HKDC1: variants seen among roughly 807,000 people sequenced by gnomAD.
HKDC1 encodes the protein hexokinase domain containing 1, also known as hexokinase HKDC1.
A neutral mutation model predicts 96.6 loss-of-function variants in HKDC1; 66 were observed. The observed-to-expected ratio is 0.68, with a 90% CI of 0.56 to 0.84. The LOEUF is 0.84. Among genes scored for constraint, HKDC1 ranks in the 40% least tolerant of loss-of-function variants. The pLI is 0.00. For missense variants in HKDC1, 1,211 were observed against 1,208.1 expected (o/e 1.00, Z -0.04); for synonymous variants, 466 against 473.1 (o/e 0.98, Z 0.20).
At position 69,248,746 on chromosome 10, in the gene HKDC1, C is replaced by T. The variant is rs1589412215; in HGVS notation, c.1570+18C>T. 1 of 1,577,374 alleles carries T rather than the reference C, an allele frequency of 6.3e-7. No homozygotes were observed. The highest frequency in any genetic ancestry group is 8.6e-7 in the Non-Finnish European group (1 of 1,158,494). ...CGGCACAGGTGGGCCAGCACAGCCTCCCTCTCTGAACAGCCATCCAGGGCT... is the reference window on the plus strand; with the variant it reads ...CGGCACAGGTGGGCCAGCACAGCCTTCCTCTCTGAACAGCCATCCAGGGCT... On this transcript the variant is annotated intron_variant, in intron 10 of 17. Transcript: ENST00000354624.
chr10:69,220,560 C>A, intron 1 of HKDC1, 62 bp downstream of exon 1: 4 of 1,244,054 alleles, frequency 3.2e-6, no homozygotes, highest in East Asian at 2.5e-5. Flanking sequence ...AAACTGATTC[C>A]CTTAAAAAAA....
intron 1 of HKDC1, among the ~76,000 whole-genome samples, chr10:69,220,948 G>A (rs893729328): frequency 6.6e-6 from 1 of 152,104 alleles, no homozygotes; most frequent in Non-Finnish European, 1.5e-5. Flanking sequence ...TCAGGAGTTC[G>A]AGACCAGCCT....
intron 4 of HKDC1, among the ~76,000 whole-genome samples, chr10:69,233,853 G>A (rs1285236934): frequency 8.3e-5 from 10 of 120,936 alleles, no homozygotes; most frequent in Non-Finnish European, 1.6e-4. Flanking sequence ...AGCCGAGATT[G>A]TGCCACTGCA....
chr10:69,259,975 C>A (rs923248811), intron 15 of HKDC1, among the ~76,000 whole-genome samples: 1 of 152,176 alleles, frequency 6.6e-6, no homozygotes, highest in Non-Finnish European at 1.5e-5. Flanking sequence ...TTAACCCAGG[C>A]CCATCCACTA....
chr10:69,225,328 C>T (rs1843137979), intron 1 of HKDC1, among the ~76,000 whole-genome samples: 1 of 152,188 alleles, frequency 6.6e-6, no homozygotes, highest in South Asian at 2.1e-4. Context: ...CCCACCCTTC[C>T]CCAACCCCAA....
In HKDC1 at chr10:69,248,411, A is replaced by G; in HGVS notation, c.1266-13A>G. On this transcript the variant is annotated splice_polypyrimidine_tract_variant and intron_variant, in intron 9 of 17. Transcript: ENST00000354624. ...TATGATTGCTAAATATTTTGCCATC[A>G]CCCCTGCTTCAGGTACCCAAAACGC... 6.5e-7 allele frequency: 1 copy of G among 1,535,368 alleles called. No individual in the cohort carries two copies. Among genetic ancestry groups the G allele is most frequent in the Middle Eastern group, 1.8e-4 (1 of 5,664 alleles).
chr10:69,231,413 C>T (rs887928367), intron 2 of HKDC1, among the ~76,000 whole-genome samples: 3 of 152,152 alleles, frequency 2.0e-5, no homozygotes, highest in African/African-American at 7.2e-5. Flanking sequence ...CAGCTGCCCT[C>T]CTTTGGCAAA....
Position 69,266,883 on chromosome 10 carries a change from C to G in HKDC1, c.*126C>G, listed in dbSNP as rs1843909916. 1 of 884,118 alleles carries G rather than the reference C, an allele frequency of 1.1e-6. No homozygotes were observed. The highest frequency in any genetic ancestry group is 2.5e-5 in the Admixed American group (1 of 39,316). 54.8% of individuals were successfully genotyped at this position (884,118 alleles called of 1,614,324 possible). ...CACCTTCTGGATGGCCGAAAGAGAA[C>G]CCCAGGTTCTCGGGTACTCTTAGTA... On this transcript the variant is annotated 3_prime_UTR_variant, in exon 18 of 18. Transcript: ENST00000354624.
chr10:69,261,485 ACTGGGCTCAT>A, intron 16 of HKDC1, 191 bp downstream of exon 16: 3 of 554,500 alleles, frequency 5.4e-6, no homozygotes, highest in Non-Finnish European at 9.6e-6. Flanking sequence ...TCATGGCCAA[ACTGGGCTCAT>A]CTATAAAGTC....
intron 6 of HKDC1, among the ~76,000 whole-genome samples, chr10:69,242,426 G>GAAA (rs1294586012): frequency 1.3e-3 from 39 of 31,182 alleles, no homozygotes; most frequent in Admixed American, 1.5e-3. Flanking sequence ...GGAAGATACT[G>GAAA]AAGAAAAAAA....
intron 4 of HKDC1, among the ~76,000 whole-genome samples, chr10:69,236,746 C>T (rs1299720823): frequency 6.6e-6 from 1 of 150,514 alleles, no homozygotes; most frequent in Non-Finnish European, 1.5e-5. Context: ...CGCCACTGCA[C>T]TCCAGCCTGG....
Position 69,242,429 on chromosome 10 carries a change from GAAAAA to G in HKDC1, c.692-736_692-732del, listed in dbSNP as rs5785904. Among the ~76,000 whole-genome samples, 11 of 115,344 alleles carry G rather than the reference GAAAAA, an allele frequency of 9.5e-5. 1 individual carries two copies. Among genetic ancestry groups the G allele is most frequent in the African/African-American group, 3.2e-4 (10 of 31,104 alleles). The allele number at this position is 115,344 out of a possible 152,430, so 75.7% of individuals were successfully genotyped here. On this transcript the variant is annotated intron_variant, in intron 6 of 17. Transcript: ENST00000354624. The stretch of plus-strand genomic sequence containing the variant: ...GTATCAGCCAAGGGAAGATACTGAA[GAAAAA>G]AAAAAAAAAAAAAAAACCCGAAAAT...
chr10:69,249,325 T>G (rs1843598297), intron 10 of HKDC1, among the ~76,000 whole-genome samples: 1 of 152,250 alleles, frequency 6.6e-6, no homozygotes, highest in Admixed American at 6.5e-5. Context: ...TTTGAACCTT[T>G]CATTTCATTT....
chr10:69,263,091 G>T (rs1012611526), intron 16 of HKDC1, among the ~76,000 whole-genome samples: 3 of 152,002 alleles, frequency 2.0e-5, no homozygotes, highest in Non-Finnish European at 4.4e-5. Context: ...CTGAGACAGG[G>T]TCTCACTCTG....
At chr10:69,248,288 T>A in intron 9 of HKDC1, 136 bp from the exon 10 acceptor site, 24 of 813,876 alleles carry the variant, frequency 2.9e-5, no homozygotes, top group Non-Finnish European at 4.4e-5. Flanking sequence ...TCCCCTCCCC[T>A]CCCTACCATC....
rs544028718 is a variant in HKDC1, at chr10:69,227,115, A to G, written c.64-92A>G. Reference sequence around the variant, plus strand: ...CTCAATGCTGTCCCCAGAGTCAGGAATGCAGCTTGCTGAGGGATGTCGGGG... The same window carrying G: ...CTCAATGCTGTCCCCAGAGTCAGGAGTGCAGCTTGCTGAGGGATGTCGGGG... On this transcript the variant is annotated intron_variant, in intron 1 of 17. Coordinates refer to ENST00000354624, the MANE Select transcript of HKDC1 (RefSeq NM_025130.4). The G allele has an allele frequency of 1.6e-5, 22 of 1,401,120 alleles. No homozygotes were observed. The East Asian group carries it at 4.8e-4, about 31-fold the overall frequency. 86.8% of individuals were successfully genotyped at this position (1,401,120 alleles called of 1,614,324 possible).
chr10:69,249,526 C>T (rs566445944), intron 10 of HKDC1, among the ~76,000 whole-genome samples: 2 of 152,220 alleles, frequency 1.3e-5, no homozygotes, highest in Admixed American at 6.5e-5. Flanking sequence ...GACGGAGTCT[C>T]GCTCTGTCAC....
At position 69,243,373 on chromosome 10, in the gene HKDC1, C is replaced by A. The variant is rs1407905499; in HGVS notation, c.875+8C>A. 6.4e-7 allele frequency: 1 copy of A among 1,567,624 alleles called. No homozygotes were observed. The highest frequency in any genetic ancestry group is 8.6e-7 in the Non-Finnish European group (1 of 1,156,528). On this transcript the variant is annotated splice_region_variant and intron_variant, in intron 7 of 17. Transcript: ENST00000354624. Reference sequence around the variant, plus strand: ...CAACCCAGGAAAGCAACTGTGAGTTCCCTTCTGGTGTTATCTGGGCATCGG... The same window carrying A: ...CAACCCAGGAAAGCAACTGTGAGTTACCTTCTGGTGTTATCTGGGCATCGG...
At chr10:69,247,336 C>G in intron 8 of HKDC1, 24 bp from the exon 9 acceptor site, 1 of 1,519,190 alleles carries the variant, frequency 6.6e-7, no homozygotes, top group Non-Finnish European at 9.1e-7. Context: ...AAGTGTCGTT[C>G]ACTCATTCCT....
Sources: allele counts gnomAD v4.1 joint callset (sites outside exome capture counted in the v4.1 genomes callset), GRCh38; gene constraint gnomAD v4.1.1; transcripts MANE v1.5; gene names NCBI Gene and HGNC (gene_info 2026-07-23, HGNC 2026-07-21).